CTIF: variants seen among roughly 807,000 people sequenced by gnomAD.
CTIF encodes CBP80/20-dependent translation initiation factor.
In CTIF, 21 loss-of-function variants were observed where a neutral mutation model predicts 66.0. The ratio of observed to expected loss-of-function variants is 0.32; its 90% CI spans 0.23 to 0.46. The LOEUF (loss-of-function observed/expected upper bound fraction) is 0.46. Ranked by LOEUF, CTIF falls within the 20% of genes least tolerant of loss-of-function variation. The probability of loss-of-function intolerance (pLI) is 1.00; values close to 1 mark genes in which losing one functional copy is unlikely to be tolerated. For synonymous variants in CTIF, 345 were observed against 326.4 expected, an observed-to-expected ratio of 1.06 and a Z score of -0.62; for missense variants, 739 against 812.7, an observed-to-expected ratio of 0.91 and a Z score of 1.10.
intron 1 of CTIF, among the ~76,000 whole-genome samples, chr18:48,545,719 G>C (rs1324432589): frequency 6.6e-6 from 1 of 152,184 alleles, no homozygotes; most frequent in Non-Finnish European, 1.5e-5. Context: ...CTGCCCTACA[G>C]ACAATGCACT....
intron 6 of CTIF, among the ~76,000 whole-genome samples, chr18:48,702,295 C>T (rs948198760): frequency 1.3e-5 from 2 of 152,168 alleles, no homozygotes; most frequent in Admixed American, 6.5e-5. Flanking sequence ...CCTCTGGAAC[C>T]GCAGTGCTGT....
chr18:48,677,219 C>T (rs1196986410), intron 6 of CTIF, among the ~76,000 whole-genome samples: 1 of 152,128 alleles, frequency 6.6e-6, no homozygotes, highest in Non-Finnish European at 1.5e-5. Flanking sequence ...AAAACCATGC[C>T]CCACCTCGCC....
At chr18:48,593,267 G>A (rs531867095) in intron 1 of CTIF, among the ~76,000 whole-genome samples, 47 of 152,276 alleles carry the variant, frequency 3.1e-4, no homozygotes, top group East Asian at 1.2e-3. Context: ...TTAAGACTTC[G>A]CAGAAAAGGG....
intron 7 of CTIF, among the ~76,000 whole-genome samples, chr18:48,714,372 T>G (rs1673112038): frequency 6.6e-6 from 1 of 152,168 alleles, no homozygotes; most frequent in Admixed American, 6.5e-5. Flanking sequence ...GTGCCATGCC[T>G]CTGATCTCCC....
intron 5 of CTIF, 130 bp downstream of exon 5, chr18:48,664,681 T>C (rs1164311830): frequency 4.1e-6 from 3 of 722,958 alleles, no homozygotes; most frequent in Admixed American, 2.4e-5. Context: ...GCTCTTCTTA[T>C]GCGTCCCAGA....
chr18:48,654,631 C>A lies in CTIF; in HGVS notation c.253-9121C>A, dbSNP rs528943114. On this transcript the variant is annotated intron_variant, in intron 3 of 11. Coordinates refer to ENST00000256413, the MANE Select transcript of CTIF (RefSeq NM_014772.3). ...CAGCCATCCCATTACTGGGTATATA[C>A]CCAAAGGATTATAAATCATGCTACT... is the stretch of plus-strand genomic sequence containing the variant. 1.4e-3 allele frequency among the ~76,000 whole-genome samples: 218 copies of A among 152,290 alleles called. 1 individual carries two copies. Among genetic ancestry groups the A allele is most frequent in the African/African-American group, 5.0e-3 (207 of 41,546 alleles).
intron 6 of CTIF, among the ~76,000 whole-genome samples, chr18:48,703,957 G>T (rs1301801123): frequency 6.6e-6 from 1 of 152,254 alleles, no homozygotes; most frequent in South Asian, 2.1e-4. Context: ...ACCAGTGCCT[G>T]CCAGACGCCA....
intron 1 of CTIF, among the ~76,000 whole-genome samples, chr18:48,611,659 G>T (rs1489243774): frequency 2.0e-5 from 3 of 152,254 alleles, no homozygotes; most frequent in Admixed American, 2.0e-4. Context: ...ACCAGAATCT[G>T]CATTGTAACA....
intron 5 of CTIF, 160 bp from the exon 6 acceptor site, chr18:48,670,509 T>A (rs2279304): frequency 0.04 from 23,962 of 602,412 alleles, 886 homozygotes; most frequent in East Asian, 0.12. Flanking sequence ...CACACACAGC[T>A]TCTCTAGGGC....
At chr18:48,800,100 G>C (rs2068017873) in intron 9 of CTIF, among the ~76,000 whole-genome samples, 1 of 152,228 alleles carries the variant, frequency 6.6e-6, no homozygotes, top group African/African-American at 2.4e-5. Flanking sequence ...AGGGTCCCCA[G>C]CTCTGGTTAG....
At chr18:48,586,271 T>A (rs1337200551) in intron 1 of CTIF, among the ~76,000 whole-genome samples, 4 of 151,186 alleles carry the variant, frequency 2.6e-5, no homozygotes, top group African/African-American at 9.8e-5. Context: ...CTTTCCACAC[T>A]TTTACTTTTT....
At chr18:48,854,350 G>T (rs2069277525) in intron 10 of CTIF, among the ~76,000 whole-genome samples, 1 of 152,148 alleles carries the variant, frequency 6.6e-6, no homozygotes, top group African/African-American at 2.4e-5. Context: ...AAGTCATTTG[G>T]AGTCTAAACA....
At chr18:48,763,427 C>T (rs1402481159) in intron 9 of CTIF, among the ~76,000 whole-genome samples, 1 of 152,236 alleles carries the variant, frequency 6.6e-6, no homozygotes, top group Non-Finnish European at 1.5e-5. Flanking sequence ...ACAAAGGGGG[C>T]CCTATGGCCC....
chr18:48,625,113 C>T (rs182678444), intron 2 of CTIF: 9 of 508,100 alleles, frequency 1.8e-5, no homozygotes, highest in East Asian at 1.5e-4. Flanking sequence ...ACTGTTCCCT[C>T]GCCCTTTTTC....
intron 7 of CTIF, among the ~76,000 whole-genome samples, chr18:48,730,775 C>T (rs542079839): frequency 5.6e-5 from 8 of 141,688 alleles, no homozygotes; most frequent in South Asian, 2.3e-4. Flanking sequence ...CCACGATGAA[C>T]GCAGTGTGAA....
intron 6 of CTIF, among the ~76,000 whole-genome samples, chr18:48,673,840 T>A (rs577292857): frequency 1.6e-4 from 25 of 152,356 alleles, no homozygotes; most frequent in African/African-American, 5.3e-4. Flanking sequence ...CTATCATTAG[T>A]GTATTTTATG....
In CTIF at chr18:48,714,520, C is replaced by A. The variant is rs572227623; in HGVS notation, c.584+2825C>A. ...GTGTCCGATAGCTGCAAACTCCAGGCAGCATGAGCGTGCTGCTGAAGCTAG... is the reference window on the plus strand; with the variant it reads ...GTGTCCGATAGCTGCAAACTCCAGGAAGCATGAGCGTGCTGCTGAAGCTAG... On this transcript the variant is annotated intron_variant, in intron 7 of 11. Coordinates refer to ENST00000256413, the MANE Select transcript of CTIF (RefSeq NM_014772.3). Among the ~76,000 whole-genome samples the A allele has an allele frequency of 3.3e-5, 5 of 152,184 alleles. No individual in the cohort carries two copies. The South Asian group carries it at 1.0e-3, about 32-fold the overall frequency.
At chr18:48,717,127 G>A (rs1415050007) in intron 7 of CTIF, among the ~76,000 whole-genome samples, 5 of 152,288 alleles carry the variant, frequency 3.3e-5, no homozygotes, top group African/African-American at 1.2e-4. Flanking sequence ...GGCCGGGCGT[G>A]GAGGCTCATG....
intron 6 of CTIF, among the ~76,000 whole-genome samples, chr18:48,705,173 C>T (rs1385054209): frequency 1.3e-5 from 2 of 152,222 alleles, no homozygotes; most frequent in Non-Finnish European, 2.9e-5. Flanking sequence ...CTGACGGCAA[C>T]AGCAGTGCAT....
Sources: allele counts gnomAD v4.1 joint callset (sites outside exome capture counted in the v4.1 genomes callset), GRCh38; gene constraint gnomAD v4.1.1; transcripts MANE v1.5; gene names NCBI Gene and HGNC (gene_info 2026-07-23, HGNC 2026-07-21).